The following RSPO2 variants were observed in gnomAD, a reference collection of about 807,000 sequenced individuals.
RSPO2 encodes R-spondin-2.
A neutral mutation model predicts 30.9 loss-of-function variants in RSPO2; 14 were observed. The ratio of observed to expected loss-of-function variants is 0.45; its 90% confidence interval spans 0.30 to 0.71. RSPO2 has a LOEUF of 0.71. RSPO2 is among the 30% of genes least tolerant of loss of function. RSPO2 has a pLI of 0.08. For synonymous variants in RSPO2, 107 were observed against 96.4 expected, an observed-to-expected ratio of 1.11 and a Z score of -0.64; for missense variants, 264 against 301.9, an observed-to-expected ratio of 0.87 and a Z score of 0.93.
intron 2 of RSPO2, among the ~76,000 whole-genome samples, chr8:107,989,725 C>G (rs1814780762): frequency 6.6e-6 from 1 of 152,108 alleles, no homozygotes; most frequent in Non-Finnish European, 1.5e-5. Context: ...CATCAGAACA[C>G]CAAGTCCACA....
chr8:107,958,361 C>G (rs1813500293), intron 4 of RSPO2, 93 bp from the exon 5 acceptor site: 14 of 956,514 alleles, frequency 1.5e-5, no homozygotes, highest in Middle Eastern at 2.2e-4. Flanking sequence ...GAGCAGTGTT[C>G]CTTCACTAAC....
intron 2 of RSPO2, among the ~76,000 whole-genome samples, chr8:107,998,208 A>C (rs190998615): frequency 7.2e-5 from 11 of 152,110 alleles, no homozygotes; most frequent in South Asian, 2.1e-4. Context: ...AAAAAAAAAA[A>C]CCCATAGAAG....
rs1246699589 is a variant in RSPO2, at chr8:108,040,076, T to TG, written c.94+42468dup. Among the ~76,000 whole-genome samples the TG allele has an allele frequency of 2.6e-5, 4 of 152,310 alleles. No individual in the cohort carries two copies. The South Asian group carries it at 8.3e-4, about 32-fold the overall frequency. On this transcript the variant is annotated intron_variant, in intron 2 of 5. Coordinates refer to ENST00000276659, the MANE Select transcript of RSPO2 (RefSeq NM_178565.5). ...ACAAGCCACCTAGTCTATGGTACTT[T>TG]GTTATAGTAGCCTGAATAAAGACAT...
intron 4 of RSPO2, among the ~76,000 whole-genome samples, chr8:107,958,534 G>GT (rs1200126693): frequency 1.3e-5 from 2 of 152,108 alleles, no homozygotes; most frequent in Admixed American, 6.6e-5. Flanking sequence ...GGTCAGTTCT[G>GT]TTTTTTCCTT....
intron 2 of RSPO2, among the ~76,000 whole-genome samples, chr8:108,028,961 T>G (rs942411879): frequency 1.9e-4 from 2 of 10,456 alleles, no homozygotes; most frequent in Non-Finnish European, 4.1e-4. Flanking sequence ...AATATCTAAT[T>G]TTTTTTTTTT....
At chr8:108,073,213 A>G (rs1030319863) in intron 2 of RSPO2, 2 of 152,260 alleles carry the variant, frequency 1.3e-5, no homozygotes, top group Non-Finnish European at 2.9e-5. Context: ...TGACATCAAG[A>G]TGACCACAGT....
intron 2 of RSPO2, among the ~76,000 whole-genome samples, chr8:108,044,296 T>C (rs1811844668): frequency 6.6e-6 from 1 of 152,144 alleles, no homozygotes; most frequent in Non-Finnish European, 1.5e-5. Context: ...TATGCATATA[T>C]TGTATGATGC....
At chr8:107,904,357 A>AG (rs1281348508) in intron 5 of RSPO2, among the ~76,000 whole-genome samples, 2 of 123,926 alleles carry the variant, frequency 1.6e-5, no homozygotes, top group South Asian at 2.8e-4. Context: ...CAGGATCATT[A>AG]GAAAAAAAAA....
At chr8:107,966,121 G>T (rs1813795941) in intron 3 of RSPO2, among the ~76,000 whole-genome samples, 1 of 151,922 alleles carries the variant, frequency 6.6e-6, no homozygotes, top group Non-Finnish European at 1.5e-5. Flanking sequence ...CTTTGGGTGG[G>T]GATTATAAAT....
intron 3 of RSPO2, among the ~76,000 whole-genome samples, chr8:107,971,739 G>A (rs957033054): frequency 1.1e-4 from 17 of 152,110 alleles, no homozygotes; most frequent in South Asian, 6.2e-4. Flanking sequence ...CATTTTTCAC[G>A]TCATTTCCCT....
chr8:108,030,140 A>G (rs887079982), intron 2 of RSPO2, among the ~76,000 whole-genome samples: 1 of 151,486 alleles, frequency 6.6e-6, no homozygotes. Flanking sequence ...AAAAAAAAAA[A>G]AAAGCTAGGC....
intron 3 of RSPO2, chr8:107,983,082 T>TC: frequency 7.5e-7 from 1 of 1,332,812 alleles, no homozygotes. Flanking sequence ...GCACCACTAC[T>TC]CCCCTTCCTA....
chr8:108,075,938 T>C (rs1037697552), intron 2 of RSPO2, among the ~76,000 whole-genome samples: 6 of 152,192 alleles, frequency 3.9e-5, no homozygotes, highest in African/African-American at 1.4e-4. Flanking sequence ...TGTACCGTAG[T>C]TCTGCCTAAG....
chr8:107,964,305 C>A (rs1813725973), intron 3 of RSPO2, among the ~76,000 whole-genome samples: 1 of 152,356 alleles, frequency 6.6e-6, no homozygotes, highest in East Asian at 1.9e-4. Flanking sequence ...TGCAATGGCA[C>A]AATCTCGGCT....
At chr8:108,082,488 C>T in intron 2 of RSPO2, 57 bp downstream of exon 2, 1 of 1,359,382 alleles carries the variant, frequency 7.4e-7, no homozygotes, top group East Asian at 2.3e-5. Flanking sequence ...CGTGAGTGAG[C>T]GCCTCCACAC....
intron 5 of RSPO2, among the ~76,000 whole-genome samples, chr8:107,948,286 A>G (rs1813130528): frequency 6.6e-6 from 1 of 152,226 alleles, no homozygotes; most frequent in Non-Finnish European, 1.5e-5. Flanking sequence ...ATGGACCTAA[A>G]GACACGGCAA....
rs141899685 is a variant in RSPO2 at position 108,041,316 on chromosome 8, G to C, written c.94+41229C>G. Among the ~76,000 whole-genome samples the C allele has an allele frequency of 8.6e-5, 13 of 151,384 alleles. No homozygotes were observed. The East Asian group carries it at 9.7e-4, about 11-fold the overall frequency. ...AATATGCTGCGTTTTAAGGGCTGTA[G>C]AGTCAAAGGACATTTTTATTTAATG... is the stretch of plus-strand genomic sequence containing the variant. On this transcript the variant is annotated intron_variant, in intron 2 of 5. Transcript: ENST00000276659.
chr8:108,052,335 C>G (rs952440940), intron 2 of RSPO2, among the ~76,000 whole-genome samples: 17 of 152,156 alleles, frequency 1.1e-4, no homozygotes, highest in African/African-American at 3.6e-4. Context: ...CTCAAACTTA[C>G]CTATGATTTT....
At chr8:107,958,656 C>A (rs1813516072) in intron 4 of RSPO2, among the ~76,000 whole-genome samples, 1 of 152,138 alleles carries the variant, frequency 6.6e-6, no homozygotes, top group South Asian at 2.1e-4. Context: ...GTATTAAGCC[C>A]AGCATCCATT....
Sources: gnomAD v4.1 joint callset for allele counts (sites outside exome capture counted in the v4.1 genomes callset) on GRCh38, gnomAD v4.1.1 for gene constraint, MANE v1.5 for transcripts, NCBI Gene and HGNC (gene_info 2026-07-23, HGNC 2026-07-21) for gene names.